The following SPOCK3 variants were observed in gnomAD, a reference collection of about 807,000 sequenced individuals.
SPOCK3 encodes the protein SPARC (osteonectin), cwcv and kazal like domains proteoglycan 3.
A neutral mutation model predicts 56.6 loss-of-function variants in SPOCK3; 30 were observed. That is an observed-to-expected ratio of 0.53 (90% CI 0.40 to 0.72). The LOEUF is 0.72. SPOCK3 is among the 30% of genes least tolerant of loss of function. The pLI is 0.00. For missense variants in SPOCK3, 527 were observed against 530.0 expected (o/e 0.99, Z 0.06); for synonymous variants, 196 against 183.3 (o/e 1.07, Z -0.56).
At chr4:167,067,391 G>A (rs1756262892) in intron 2 of SPOCK3, among the ~76,000 whole-genome samples, 1 of 151,726 alleles carries the variant, frequency 6.6e-6, no homozygotes, top group Non-Finnish European at 1.5e-5. Flanking sequence ...TCATTATAAA[G>A]TGAGACACAG....
chr4:167,221,815 A>G (rs1735943467), intron 2 of SPOCK3, among the ~76,000 whole-genome samples: 1 of 152,208 alleles, frequency 6.6e-6, no homozygotes, highest in South Asian at 2.1e-4. Flanking sequence ...AACAAGTGTT[A>G]GCAAGGGTGC....
intron 2 of SPOCK3, among the ~76,000 whole-genome samples, chr4:167,165,652 T>C (rs1765694399): frequency 6.6e-6 from 1 of 152,076 alleles, no homozygotes; most frequent in Non-Finnish European, 1.5e-5. Flanking sequence ...AAAGCATACA[T>C]GTACTGAAAA....
At chr4:166,998,386 T>C (rs929085970) in intron 4 of SPOCK3, among the ~76,000 whole-genome samples, 1 of 152,150 alleles carries the variant, frequency 6.6e-6, no homozygotes, top group Non-Finnish European at 1.5e-5. Flanking sequence ...CATTTGGCTA[T>C]CAGTTTCTGA....
At chr4:167,198,939 G>C (rs181485866) in intron 2 of SPOCK3, among the ~76,000 whole-genome samples, 1 of 152,066 alleles carries the variant, frequency 6.6e-6, no homozygotes, top group Admixed American at 6.6e-5. Flanking sequence ...AAACATATTA[G>C]GTAGTAGCTA....
intron 2 of SPOCK3, among the ~76,000 whole-genome samples, chr4:167,226,318 G>C (rs1409621875): frequency 6.6e-6 from 1 of 152,032 alleles, no homozygotes; most frequent in Non-Finnish European, 1.5e-5. Context: ...AGAACAGTAG[G>C]TACTAGGTGT....
intron 6 of SPOCK3, among the ~76,000 whole-genome samples, chr4:166,851,315 T>C (rs533960201): frequency 6.6e-6 from 1 of 152,322 alleles, no homozygotes; most frequent in East Asian, 1.9e-4. Flanking sequence ...AAAACCCATC[T>C]GTACATCACC....
chr4:167,055,607 C>A (rs968029392), intron 3 of SPOCK3, among the ~76,000 whole-genome samples: 5 of 152,164 alleles, frequency 3.3e-5, no homozygotes, highest in African/African-American at 1.2e-4. Flanking sequence ...CTGAATACTG[C>A]GCTTTTCCAA....
chr4:166,768,799 T>G (rs1045016769), intron 7 of SPOCK3, among the ~76,000 whole-genome samples: 5 of 152,206 alleles, frequency 3.3e-5, no homozygotes, highest in African/African-American at 1.2e-4. Context: ...CTTGGTTCCA[T>G]TCTCCCCATC....
intron 2 of SPOCK3, among the ~76,000 whole-genome samples, chr4:167,155,496 A>T (rs1764742365): frequency 6.6e-6 from 1 of 152,230 alleles, no homozygotes; most frequent in Admixed American, 6.5e-5. Context: ...AAGTTATGAT[A>T]AATATATGAA....
intron 2 of SPOCK3, among the ~76,000 whole-genome samples, chr4:167,174,561 C>A (rs890410179): frequency 6.6e-6 from 1 of 152,006 alleles, no homozygotes; most frequent in African/African-American, 2.4e-5. Flanking sequence ...TTTAAAGGAC[C>A]AGTCAGGTCA....
intron 4 of SPOCK3, among the ~76,000 whole-genome samples, chr4:166,937,763 CT>C (rs34980509): frequency 0.65 from 79,565 of 122,580 alleles, 25,525 homozygotes; most frequent in East Asian, 0.91. Context: ...ATTTTTTTTT[CT>C]TTTTTTTTTT....
intron 2 of SPOCK3, among the ~76,000 whole-genome samples, chr4:167,119,371 A>G (rs1010598107): frequency 4.3e-4 from 66 of 152,140 alleles, no homozygotes; most frequent in African/African-American, 1.5e-3. Flanking sequence ...ATAATTCCCA[A>G]TAAATACATA....
chr4:166,897,040 G>C (rs925548098), intron 5 of SPOCK3, among the ~76,000 whole-genome samples: 1 of 152,068 alleles, frequency 6.6e-6, no homozygotes, highest in African/African-American at 2.4e-5. Flanking sequence ...ACTATGTGCC[G>C]TTGAGATATG....
At chr4:167,055,011 C>T (rs1354523577) in intron 3 of SPOCK3, among the ~76,000 whole-genome samples, 1 of 152,034 alleles carries the variant, frequency 6.6e-6, no homozygotes, top group East Asian at 1.9e-4. Flanking sequence ...TTTCTGCATG[C>T]TTTATGGTGC....
At chr4:167,003,113 G>T (rs6848156) in intron 3 of SPOCK3, among the ~76,000 whole-genome samples, 104,023 of 151,900 alleles carry the variant, frequency 0.68, 36,821 homozygotes, top group East Asian at 0.85. Flanking sequence ...ATCTGCATTC[G>T]ATAATTTCCA....
intron 8 of SPOCK3, among the ~76,000 whole-genome samples, chr4:166,751,935 C>G (rs1328158324): frequency 2.0e-5 from 3 of 152,072 alleles, no homozygotes; most frequent in Admixed American, 1.3e-4. Context: ...AGAAAATTAG[C>G]CATAGAAACA....
Position 166,754,677 on chromosome 4 carries a change from A to G in SPOCK3, c.762T>C (p.Phe254=), listed in dbSNP as rs757791363. The change falls in exon 8 of 11, where the codon TTT becomes TTC. Residue 254 remains phenylalanine (F), a synonymous_variant. Coordinates refer to ENST00000357545, the MANE Select transcript of SPOCK3 (RefSeq NM_001040159.2). ...PICKDSLGWM[F]NRLDTNYDLL... is the part of the protein sequence containing the mutation. Reference sequence around the variant, plus strand: ...GGTCATAGTTTGTATCAAGTCTGTTAAACATCCAGCCAAGTGAGTCCTTGC... The same window carrying G: ...GGTCATAGTTTGTATCAAGTCTGTTGAACATCCAGCCAAGTGAGTCCTTGC... The G allele has an allele frequency of 1.9e-6, 3 of 1,613,626 alleles. No homozygotes were observed. In the South Asian group the frequency reaches 3.3e-5, roughly 18 times the overall value.
intron 2 of SPOCK3, among the ~76,000 whole-genome samples, chr4:167,062,819 T>G (rs1044843629): frequency 6.6e-6 from 1 of 151,942 alleles, no homozygotes; most frequent in South Asian, 2.1e-4. Flanking sequence ...ACAATTTAAC[T>G]ATTTTTGGTT....
chr4:166,994,653 C>T (rs1339522011), intron 4 of SPOCK3, among the ~76,000 whole-genome samples: 1 of 152,086 alleles, frequency 6.6e-6, no homozygotes, highest in Admixed American at 6.6e-5. Context: ...GTGTTGTGTA[C>T]TTCAAAAATA....
Sources: allele counts gnomAD v4.1 joint callset (sites outside exome capture counted in the v4.1 genomes callset), GRCh38; gene constraint gnomAD v4.1.1; transcripts MANE v1.5; gene names NCBI Gene and HGNC (gene_info 2026-07-23, HGNC 2026-07-21).